GALNT7: variants seen among roughly 807,000 people sequenced by gnomAD.
The protein encoded by GALNT7 is N-acetylgalactosaminyltransferase 7.
GALNT7 carries 60 observed loss-of-function variants against 82.1 expected under a neutral mutation model. That is an observed-to-expected ratio of 0.73 (90% confidence interval 0.59 to 0.91). GALNT7 has a LOEUF of 0.91. Ranked by LOEUF, GALNT7 falls within the 40% of genes least tolerant of loss-of-function variation. The pLI is 0.00. For missense variants in GALNT7, 660 were observed against 804.2 expected (o/e 0.82, Z 2.17); for synonymous variants, 243 against 275.1 (o/e 0.88, Z 1.15).
At chr4:173,188,761 G>A (rs975229272) in intron 1 of GALNT7, among the ~76,000 whole-genome samples, 1 of 152,118 alleles carries the variant, frequency 6.6e-6, no homozygotes, top group Non-Finnish European at 1.5e-5. Flanking sequence ...ATCAGTTCAG[G>A]ATCTACCTGT....
chr4:173,272,674 G>A (rs373801627), intron 2 of GALNT7, among the ~76,000 whole-genome samples: 1 of 152,126 alleles, frequency 6.6e-6, no homozygotes, highest in East Asian at 1.9e-4. Flanking sequence ...ATAATTTTTT[G>A]AAATAGTATT....
chr4:173,296,502 AG>A (rs1259222559), intron 5 of GALNT7, among the ~76,000 whole-genome samples: 8 of 152,216 alleles, frequency 5.3e-5, no homozygotes, highest in African/African-American at 1.9e-4. Context: ...TAATCATGAG[AG>A]GATTTAATGT....
chr4:173,256,202 G>A lies in GALNT7; in HGVS notation c.587+7762G>A, dbSNP rs920216619. ...TTAAGACTCACTCACTGTAGTTGCCGCTATATTTAGCTGTCTGAAGAAGCT... is the reference window on the plus strand; with the variant it reads ...TTAAGACTCACTCACTGTAGTTGCCACTATATTTAGCTGTCTGAAGAAGCT... On this transcript the variant is annotated intron_variant, in intron 2 of 11. Coordinates refer to ENST00000265000, the MANE Select transcript of GALNT7 (RefSeq NM_017423.3). Among the ~76,000 whole-genome samples the A allele has an allele frequency of 4.6e-5, 7 of 152,232 alleles. No individual in the cohort carries two copies. The East Asian group carries it at 5.8e-4, about 13-fold the overall frequency.
intron 1 of GALNT7, among the ~76,000 whole-genome samples, chr4:173,184,215 G>A (rs968664499): frequency 1.3e-5 from 2 of 152,094 alleles, no homozygotes; most frequent in Non-Finnish European, 2.9e-5. Context: ...GGCAGAGGCT[G>A]CAATCTCGGC....
At chr4:173,298,451 T>A in intron 6 of GALNT7, 154 bp downstream of exon 6, 1 of 560,544 alleles carries the variant, frequency 1.8e-6, no homozygotes, top group East Asian at 3.0e-5. Context: ...GCTTTCAATC[T>A]GCTCCATTTG....
intron 1 of GALNT7, among the ~76,000 whole-genome samples, chr4:173,215,394 C>A (rs1050996053): frequency 1.3e-4 from 20 of 152,018 alleles, no homozygotes; most frequent in Non-Finnish European, 2.8e-4. Flanking sequence ...CCATGCCTGG[C>A]TACTTTTTGT....
intron 2 of GALNT7, among the ~76,000 whole-genome samples, chr4:173,250,214 A>C (rs559759752): frequency 5.9e-4 from 90 of 152,160 alleles, no homozygotes; most frequent in Non-Finnish European, 8.5e-4. Context: ...TGAGGTATAT[A>C]TCTCTCTCTC....
intron 6 of GALNT7, among the ~76,000 whole-genome samples, chr4:173,298,790 C>T (rs1279850641): frequency 6.6e-6 from 1 of 152,152 alleles, no homozygotes; most frequent in Non-Finnish European, 1.5e-5. Flanking sequence ...TATGTTAACT[C>T]TCAAATACTA....
At chr4:173,257,290 A>AT (rs1021074912) in intron 2 of GALNT7, among the ~76,000 whole-genome samples, 25 of 151,672 alleles carry the variant, frequency 1.6e-4, no homozygotes, top group Non-Finnish European at 1.9e-4. Context: ...ATAAGCACCA[A>AT]TTTTTTTTTC....
At chr4:173,235,162 C>T (rs1734174702) in intron 1 of GALNT7, among the ~76,000 whole-genome samples, 2 of 152,202 alleles carry the variant, frequency 1.3e-5, no homozygotes, top group African/African-American at 4.8e-5. Context: ...TATCCTCAGT[C>T]ACTCTGGCCT....
chr4:173,244,363 C>A (rs1734540380), intron 1 of GALNT7, among the ~76,000 whole-genome samples: 1 of 152,172 alleles, frequency 6.6e-6, no homozygotes, highest in African/African-American at 2.4e-5. Context: ...GGGCAGTGGG[C>A]TACTGCTGGA....
chr4:173,180,570 C>T (rs1050032254), intron 1 of GALNT7, among the ~76,000 whole-genome samples: 3 of 152,236 alleles, frequency 2.0e-5, no homozygotes, highest in East Asian at 1.9e-4. Context: ...TCAGGTGATC[C>T]GCCTGCCTTG....
At position 173,244,091 on chromosome 4, in the gene GALNT7, C is replaced by G. The variant is rs570466987; in HGVS notation, c.127-3889C>G. Among the ~76,000 whole-genome samples the G allele has an allele frequency of 3.3e-5, 5 of 152,314 alleles. No homozygotes were observed. In the East Asian group the frequency reaches 9.6e-4, roughly 29 times the overall value. ...ACCAAATCCAGCCCAACACCTGTCT[C>G]TGTAAATACATGGTTACTGGAACAC... On this transcript the variant is annotated intron_variant, in intron 1 of 11. Transcript: ENST00000265000.
At chr4:173,321,080 C>T (rs1198578472) in intron 11 of GALNT7, among the ~76,000 whole-genome samples, 1 of 152,074 alleles carries the variant, frequency 6.6e-6, no homozygotes, top group African/African-American at 2.4e-5. Flanking sequence ...GTCTGAGGAC[C>T]AGACTTTGAG....
chr4:173,193,490 AT>A (rs999001492), intron 1 of GALNT7, among the ~76,000 whole-genome samples: 236 of 151,812 alleles, frequency 1.6e-3, no homozygotes, highest in African/African-American at 5.2e-3. Flanking sequence ...CCCCAACTTT[AT>A]TTTTTTTAAA....
intron 1 of GALNT7, among the ~76,000 whole-genome samples, chr4:173,209,328 G>A (rs1733198011): frequency 6.6e-6 from 1 of 152,296 alleles, no homozygotes; most frequent in Admixed American, 6.5e-5. Flanking sequence ...GTCAGCCCAC[G>A]TCTTAGCTCT....
intron 1 of GALNT7, 114 bp downstream of exon 1, chr4:173,169,075 T>C (rs1731743296): frequency 9.9e-7 from 1 of 1,006,314 alleles, no homozygotes; most frequent in African/African-American, 1.6e-5. Context: ...GCACCGCAGC[T>C]CCGCAGGTGG....
At chr4:173,220,580 C>T (rs970402202) in intron 1 of GALNT7, among the ~76,000 whole-genome samples, 8 of 152,062 alleles carry the variant, frequency 5.3e-5, no homozygotes, top group Non-Finnish European at 1.2e-4. Flanking sequence ...ATACATGTGA[C>T]ATGCTGGTGC....
intron 2 of GALNT7, among the ~76,000 whole-genome samples, chr4:173,258,223 C>T (rs1193507218): frequency 6.6e-6 from 1 of 152,124 alleles, no homozygotes; most frequent in Non-Finnish European, 1.5e-5. Context: ...GGTTCTTGAC[C>T]TCATATCTTC....
Sources: allele counts gnomAD v4.1 joint callset (sites outside exome capture counted in the v4.1 genomes callset), GRCh38; gene constraint gnomAD v4.1.1; transcripts MANE v1.5; gene names NCBI Gene and HGNC (gene_info 2026-07-23, HGNC 2026-07-21).